Variants in RARB observed in about 807,000 individuals in gnomAD.
RARB encodes the protein retinoic acid receptor beta.
RARB carries 17 observed loss-of-function variants against 51.9 expected under a neutral mutation model. The observed-to-expected ratio is 0.33, with a 90% confidence interval of 0.22 to 0.49. The LOEUF is 0.49. RARB is among the 20% of genes least tolerant of loss of function. The probability of loss-of-function intolerance (pLI) is 0.99; values close to 1 mark genes in which losing one functional copy is unlikely to be tolerated. For synonymous variants in RARB, 215 were observed against 195.4 expected (o/e 1.10, Z -0.84); for missense variants, 369 against 550.8 (o/e 0.67, Z 3.30).
At chr3:25,303,205 T>C (rs373881150) in intron 5 of RARB, among the ~76,000 whole-genome samples, 14 of 152,164 alleles carry the variant, frequency 9.2e-5, no homozygotes, top group African/African-American at 3.4e-4. Context: ...GGAGGTATTA[T>C]TGTCTCCATT....
At chr3:25,330,451 G>A (rs1328972915) in intron 5 of RARB, among the ~76,000 whole-genome samples, 3 of 152,160 alleles carry the variant, frequency 2.0e-5, no homozygotes, top group Non-Finnish European at 2.9e-5. Context: ...ATCCTTTACA[G>A]ACAAGCAAAT....
intron 1 of RARB, among the ~76,000 whole-genome samples, chr3:24,847,651 A>C (rs533507240): frequency 6.6e-6 from 1 of 152,340 alleles, no homozygotes; most frequent in South Asian, 2.1e-4. Context: ...GGTTTCTCAC[A>C]CTGCATGGGA....
intron 5 of RARB, among the ~76,000 whole-genome samples, chr3:25,379,394 C>G (rs1332290424): frequency 6.6e-6 from 1 of 152,184 alleles, no homozygotes; most frequent in Non-Finnish European, 1.5e-5. Flanking sequence ...CTAATTTCAA[C>G]TCTTACTGGT....
At chr3:24,835,252 G>C (rs1702329753) in intron 1 of RARB, among the ~76,000 whole-genome samples, 1 of 152,236 alleles carries the variant, frequency 6.6e-6, no homozygotes, top group South Asian at 2.1e-4. Context: ...AGTAAACATA[G>C]AAAAGATGGA....
chr3:25,308,450 T>C (rs1575300607), intron 5 of RARB, among the ~76,000 whole-genome samples: 1 of 97,542 alleles, frequency 1.0e-5, no homozygotes, highest in South Asian at 3.8e-4. Context: ...CTTTCTTTCT[T>C]TTTTTTTTTT....
chr3:25,292,496 C>A (rs1414223679), intron 5 of RARB, among the ~76,000 whole-genome samples: 1 of 152,074 alleles, frequency 6.6e-6, no homozygotes, highest in Non-Finnish European at 1.5e-5. Context: ...GGGGAAAAGC[C>A]TATAGAAACA....
chr3:25,278,060 T>C (rs930161100), intron 5 of RARB, among the ~76,000 whole-genome samples: 3 of 152,218 alleles, frequency 2.0e-5, no homozygotes, highest in Non-Finnish European at 4.4e-5. Flanking sequence ...CTAGACGATA[T>C]AGTGCTCAGT....
intron 4 of RARB, among the ~76,000 whole-genome samples, chr3:25,132,221 T>C (rs1418321779): frequency 6.6e-6 from 1 of 151,888 alleles, no homozygotes; most frequent in Admixed American, 6.6e-5. Context: ...AAGTCTTTCC[T>C]GTACCAAGGT....
At chr3:25,390,530 A>G (rs1036584828) in intron 5 of RARB, among the ~76,000 whole-genome samples, 4 of 152,230 alleles carry the variant, frequency 2.6e-5, no homozygotes, top group Admixed American at 2.6e-4. Flanking sequence ...CCTGTGGGAT[A>G]TAAAAACACC....
At chr3:25,217,250 C>T (rs1701854471) in intron 5 of RARB, among the ~76,000 whole-genome samples, 1 of 152,084 alleles carries the variant, frequency 6.6e-6, no homozygotes. Context: ...TTTAATTTTA[C>T]CAGTGTTCAA....
chr3:25,158,259 A>G (rs1007617639), intron 4 of RARB, among the ~76,000 whole-genome samples: 1 of 152,226 alleles, frequency 6.6e-6, no homozygotes, highest in East Asian at 1.9e-4. Flanking sequence ...CTTATATCAT[A>G]TAGAAAACCA....
At chr3:25,110,778 A>G (rs1699588389) in intron 3 of RARB, among the ~76,000 whole-genome samples, 1 of 152,202 alleles carries the variant, frequency 6.6e-6, no homozygotes, top group South Asian at 2.1e-4. Flanking sequence ...TGTTAGTGGT[A>G]AGAATCTGTT....
intron 2 of RARB, among the ~76,000 whole-genome samples, chr3:25,043,032 G>C (rs894619609): frequency 3.3e-5 from 5 of 152,230 alleles, no homozygotes; most frequent in African/African-American, 1.2e-4. Context: ...AATTGGATGT[G>C]CCTTCATGAT....
rs1487612814 is a variant in RARB, at chr3:25,456,680, TATAGAG to T, written c.158-4511_158-4506del. Among the ~76,000 whole-genome samples, 523 of 99,920 alleles carry T rather than the reference TATAGAG, an allele frequency of 5.2e-3. 2 individuals are homozygous for T. The highest frequency in any genetic ancestry group is 0.017 in the Middle Eastern group (3 of 172). The allele number at this position is 99,920 out of a possible 152,430, so 65.6% of individuals were successfully genotyped here. On this transcript the variant is annotated intron_variant, in intron 1 of 7. Transcript: ENST00000330688. ...ATTTGAATATATATATATATATATA[TATAGAG>T]AGAGAGAGAGAGAGAGAGAGAGAGA...
At chr3:24,950,342 T>C (rs1695862867) in intron 2 of RARB, among the ~76,000 whole-genome samples, 1 of 152,232 alleles carries the variant, frequency 6.6e-6, no homozygotes, top group Non-Finnish European at 1.5e-5. Flanking sequence ...CTTCACATAA[T>C]TATGTAAAAA....
chr3:25,447,220 ATTC>A (rs1040754640), intron 1 of RARB, among the ~76,000 whole-genome samples: 18 of 151,902 alleles, frequency 1.2e-4, no homozygotes, highest in Admixed American at 2.0e-4. Flanking sequence ...CATTTTTTTA[ATTC>A]TTTTTTTTTT....
chr3:25,416,799 G>T (rs1707716188), intron 5 of RARB, among the ~76,000 whole-genome samples: 1 of 152,142 alleles, frequency 6.6e-6, no homozygotes, highest in Non-Finnish European at 1.5e-5. Flanking sequence ...CTTTCAGAGG[G>T]GCACGTCACT....
chr3:25,501,315 C>G lies in RARB; in HGVS notation c.440C>G (p.Ser147Cys), dbSNP rs1475405153. 1 of 1,607,540 alleles carries G rather than the reference C, an allele frequency of 6.2e-7. No individual in the cohort carries two copies. The highest frequency in any genetic ancestry group is 8.5e-7 in the Non-Finnish European group (1 of 1,178,540). ...CAGAAGTGCTTTGAAGTGGGAATGT[C>G]CAAAGAATGTAAGTGGAGTCTCAAA... Reference protein sequence around the residue: ...RLQKCFEVGMSKESVRNDRNK... With the variant: ...RLQKCFEVGMCKESVRNDRNK... Residue 147 changes from serine to cysteine, a missense_variant, in exon 3 of 8, where the codon TCC becomes TGC. Coordinates refer to ENST00000330688, the MANE Select transcript of RARB (RefSeq NM_000965.5).
chr3:25,418,198 A>G (rs1707761564), intron 5 of RARB, among the ~76,000 whole-genome samples: 1 of 152,198 alleles, frequency 6.6e-6, no homozygotes, highest in African/African-American at 2.4e-5. Context: ...CTAGAAACCT[A>G]TTGTAGGGGA....
Sources: gnomAD v4.1 joint callset for allele counts (sites outside exome capture counted in the v4.1 genomes callset) on GRCh38, gnomAD v4.1.1 for gene constraint, MANE v1.5 for transcripts, NCBI Gene and HGNC (gene_info 2026-07-23, HGNC 2026-07-21) for gene names.